Variants in ATP8A1 observed in about 807,000 individuals in gnomAD.
ATP8A1 encodes the protein ATPase phospholipid transporting 8A1, also known as phospholipid-transporting ATPase IA.
ATP8A1 carries 90 observed loss-of-function variants against 177.7 expected under a neutral mutation model. The observed-to-expected ratio is 0.51, with a 90% CI of 0.43 to 0.60. The LOEUF (loss-of-function observed/expected upper bound fraction) is 0.60. Among genes scored for constraint, ATP8A1 ranks in the 20% least tolerant of loss-of-function variants. The probability of loss-of-function intolerance (pLI) is 0.00; values close to 1 mark genes in which losing one functional copy is unlikely to be tolerated. For synonymous variants in ATP8A1, 493 were observed against 485.9 expected, an observed-to-expected ratio of 1.01 and a Z score of -0.19; for missense variants, 1,072 against 1,392.8, an observed-to-expected ratio of 0.77 and a Z score of 3.67.
chr4:42,496,129 C>A (rs573403536), intron 24 of ATP8A1, among the ~76,000 whole-genome samples: 1 of 152,042 alleles, frequency 6.6e-6, no homozygotes, highest in African/African-American at 2.4e-5. Context: ...TAAGTGCTTG[C>A]GAGGCATCTA....
At chr4:42,544,075 A>C in intron 19 of ATP8A1, 89 bp from the exon 20 acceptor site, 4 of 1,096,704 alleles carry the variant, frequency 3.6e-6, no homozygotes, top group Non-Finnish European at 2.7e-6. Flanking sequence ...TGATATTCAC[A>C]GTAAAAAAAT....
At chr4:42,463,833 C>T (rs554203716) in intron 27 of ATP8A1, among the ~76,000 whole-genome samples, 2 of 152,078 alleles carry the variant, frequency 1.3e-5, no homozygotes, top group Admixed American at 6.5e-5. Flanking sequence ...TCACCAAACA[C>T]GGAAACAAAA....
intron 9 of ATP8A1, among the ~76,000 whole-genome samples, chr4:42,585,531 T>C (rs1281977432): frequency 2.0e-5 from 3 of 146,646 alleles, no homozygotes; most frequent in Non-Finnish European, 4.5e-5. Context: ...CTAGATGACA[T>C]CTATGAGAAA....
chr4:42,531,972 C>T (rs561646608), intron 20 of ATP8A1, among the ~76,000 whole-genome samples: 3 of 152,048 alleles, frequency 2.0e-5, no homozygotes, highest in Non-Finnish European at 4.4e-5. Context: ...TGTGGTGGTG[C>T]GTGCTTGCAG....
rs1487247759 is a variant in ATP8A1, at chr4:42,412,960, T to C, written c.3451A>G (p.Ile1151Val). The change falls in exon 37 of 37, where the codon ATA becomes GTA. Residue 1151 changes from isoleucine to valine, a missense_variant. This residue lies in a region of ATP8A1 where 316 missense variants were observed against 459.1 expected (regional missense o/e 0.69). Coordinates refer to ENST00000381668, the MANE Select transcript of ATP8A1 (RefSeq NM_006095.2). ...TGTTTCGTGGTATCATATGCTCTTATCACTTCAGACTGTGAAACGATTCCA... is the reference window on the plus strand; with the variant it reads ...TGTTTCGTGGTATCATATGCTCTTACCACTTCAGACTGTGAAACGATTCCA... ...ENGIVSQSEV[I>V]RAYDTTKQRP... 1.9e-6 allele frequency: 3 copies of C among 1,613,466 alleles called. No individual in the cohort carries two copies. Among genetic ancestry groups the C allele is most frequent in the African/African-American group, 2.7e-5 (2 of 74,886 alleles).
chr4:42,540,839 C>T (rs1728315129), intron 20 of ATP8A1, among the ~76,000 whole-genome samples: 1 of 152,078 alleles, frequency 6.6e-6, no homozygotes, highest in Non-Finnish European at 1.5e-5. Flanking sequence ...AGAGTACAAA[C>T]ATACAGTATG....
chr4:42,494,162 CAAAAAAAAA>C (rs397993131), intron 24 of ATP8A1, among the ~76,000 whole-genome samples: 8 of 53,480 alleles, frequency 1.5e-4, no homozygotes, highest in South Asian at 1.5e-3. Flanking sequence ...GATCATGCCA[CAAAAAAAAA>C]AAAAAAAAAA....
At chr4:42,635,782 C>CACATATATATATATATATATATATATAT (rs1553920597) in intron 1 of ATP8A1, among the ~76,000 whole-genome samples, 2 of 51,984 alleles carry the variant, frequency 3.8e-5, no homozygotes, top group African/African-American at 6.2e-5. Context: ...CACACACACA[C>CACATATATATATATATATATATATATAT]ATATATATAT....
At chr4:42,594,267 G>C in intron 6 of ATP8A1, 1 of 1,469,748 alleles carries the variant, frequency 6.8e-7, no homozygotes, top group African/African-American at 1.4e-5. Flanking sequence ...TACACTGTTT[G>C]AGCATCAGTA....
rs1412642512 is a variant in ATP8A1, at chr4:42,590,873, C to T, written c.462G>A (p.Gly154=). 6.2e-7 allele frequency: 1 copy of T among 1,613,070 alleles called. No individual in the cohort carries two copies. Among genetic ancestry groups the T allele is most frequent in the Non-Finnish European group, 8.5e-7 (1 of 1,179,688 alleles). The change falls in exon 7 of 37, where the codon GGG becomes GGA. Residue 154 remains glycine (G), a synonymous_variant. Transcript: ENST00000381668. ...CCCCATTGGTCACTTTCACTATCTCCCCTACTGCCACCTACACGTCCCAGT... is the reference window on the plus strand; with the variant it reads ...CCCCATTGGTCACTTTCACTATCTCTCCTACTGCCACCTACACGTCCCAGT... ...EIVHWEKVAV[G]EIVKVTNGEH...
Position 42,524,850 on chromosome 4 carries a change from G to A in ATP8A1, c.1723-3C>T. 11 of 1,594,178 alleles carry A rather than the reference G, an allele frequency of 6.9e-6. No individual in the cohort carries two copies. The highest frequency in any genetic ancestry group is 9.4e-6 in the Non-Finnish European group (11 of 1,168,592). ...AGTCGATCATAAATTACAGTGTCCT[G>A]GAAAACAAACAGAGGGTAAAATGAT... is the stretch of plus-strand genomic sequence containing the variant. On this transcript the variant is annotated splice_region_variant and splice_polypyrimidine_tract_variant and intron_variant, in intron 20 of 36. Coordinates refer to ENST00000381668, the MANE Select transcript of ATP8A1 (RefSeq NM_006095.2).
At chr4:42,494,727 A>C (rs868218312) in intron 24 of ATP8A1, among the ~76,000 whole-genome samples, 21 of 152,236 alleles carry the variant, frequency 1.4e-4, no homozygotes, top group African/African-American at 4.1e-4. Context: ...AGAATTCTTA[A>C]CTGAAAATAA....
chr4:42,608,474 C>T (rs1316303191), intron 5 of ATP8A1, among the ~76,000 whole-genome samples: 1 of 152,004 alleles, frequency 6.6e-6, no homozygotes, highest in Non-Finnish European at 1.5e-5. Context: ...ATTCTCCTGC[C>T]TCAGCCTCCT....
intron 21 of ATP8A1, 63 bp downstream of exon 21, chr4:42,524,700 A>C (rs1288610140): frequency 1.9e-6 from 2 of 1,034,006 alleles, no homozygotes; most frequent in African/African-American, 3.2e-5. Context: ...GGATCCTGCA[A>C]GGTATCAGAA....
At chr4:42,545,483 T>C (rs563430841) in intron 19 of ATP8A1, among the ~76,000 whole-genome samples, 66 of 152,290 alleles carry the variant, frequency 4.3e-4, no homozygotes, top group South Asian at 1.7e-3. Flanking sequence ...TACCCGGCCA[T>C]AGAGACTAGC....
intron 27 of ATP8A1, among the ~76,000 whole-genome samples, chr4:42,461,510 G>T (rs1719154026): frequency 6.6e-6 from 1 of 152,150 alleles, no homozygotes; most frequent in African/African-American, 2.4e-5. Context: ...TGCCACCCAT[G>T]TAAGACGTGA....
chr4:42,475,868 G>A (rs1275099646), intron 25 of ATP8A1, among the ~76,000 whole-genome samples: 1 of 151,668 alleles, frequency 6.6e-6, no homozygotes, highest in Non-Finnish European at 1.5e-5. Context: ...TAAAATATAG[G>A]TCTCTACTGA....
chr4:42,520,257 A>G (rs2153197948), intron 22 of ATP8A1, among the ~76,000 whole-genome samples: 1 of 152,280 alleles, frequency 6.6e-6, no homozygotes, highest in South Asian at 2.1e-4. Context: ...AGATTTTTTT[A>G]TTCTGACATT....
chr4:42,530,913 C>A (rs112457496), intron 20 of ATP8A1, among the ~76,000 whole-genome samples: 1 of 152,150 alleles, frequency 6.6e-6, no homozygotes, highest in Non-Finnish European at 1.5e-5. Context: ...CCTGTTCCTG[C>A]GACATTATGT....
Sources: gnomAD v4.1 joint callset for allele counts (sites outside exome capture counted in the v4.1 genomes callset) on GRCh38, gnomAD v4.1.1 for gene constraint, gnomAD v4.1.1 regional missense constraint, MANE v1.5 for transcripts, NCBI Gene and HGNC (gene_info 2026-07-23, HGNC 2026-07-21) for gene names.